Variants in PARD3B observed in about 807,000 individuals in gnomAD.
PARD3B encodes partitioning defective 3 homolog B.
PARD3B carries 103 observed loss-of-function variants against 130.2 expected under a neutral mutation model. The ratio of observed to expected loss-of-function variants is 0.79; its 90% confidence interval spans 0.67 to 0.93. The LOEUF (loss-of-function observed/expected upper bound fraction) is 0.93. Among genes scored for constraint, PARD3B ranks in the 40% least tolerant of loss-of-function variants. The pLI, the probability that PARD3B is intolerant of heterozygous loss-of-function variation, is 0.00. For missense variants in PARD3B, 1,609 were observed against 1,499.2 expected, an observed-to-expected ratio of 1.07 and a Z score of -1.21; for synonymous variants, 583 against 553.2, an observed-to-expected ratio of 1.05 and a Z score of -0.76.
intron 20 of PARD3B, among the ~76,000 whole-genome samples, chr2:205,466,241 T>C (rs911614609): frequency 2.6e-5 from 4 of 152,224 alleles, no homozygotes; most frequent in Admixed American, 6.5e-5. Context: ...TAAATAAACA[T>C]GCAGCAAATC....
intron 3 of PARD3B, among the ~76,000 whole-genome samples, chr2:204,998,348 ATATATATATATGTGTG>A (rs1321252912): frequency 4.8e-4 from 38 of 78,458 alleles, no homozygotes; most frequent in Admixed American, 1.4e-3. Context: ...ATATATATAT[ATATATATATATGTGTG>A]TGTGTGTGTG....
At chr2:205,582,646 A>G (rs1038047768) in intron 22 of PARD3B, among the ~76,000 whole-genome samples, 1 of 151,982 alleles carries the variant, frequency 6.6e-6, no homozygotes, top group African/African-American at 2.4e-5. Flanking sequence ...AAATGGAACC[A>G]AGAGCAACAA....
At chr2:205,239,758 G>A (rs1172719460) in intron 15 of PARD3B, among the ~76,000 whole-genome samples, 2 of 152,124 alleles carry the variant, frequency 1.3e-5, no homozygotes, top group Non-Finnish European at 2.9e-5. Flanking sequence ...GCTGAGAGAT[G>A]CATTATGATA....
In PARD3B at chr2:204,545,939, G is replaced by A; in HGVS notation, c.-61G>A. On this transcript the variant is annotated 5_prime_UTR_variant, in exon 1 of 23. Coordinates refer to ENST00000406610, the MANE Select transcript of PARD3B (RefSeq NM_001302769.2). ...CCCCGGGCGTCCTCCGAGAGTGGGG[G>A]CTGCGCCCGCGGGGTCAGACACCTG... 1.4e-6 allele frequency: 2 copies of A among 1,465,850 alleles called. No individual in the cohort carries two copies. The highest frequency in any genetic ancestry group is 1.4e-5 in the South Asian group (1 of 72,172). 90.8% of individuals were successfully genotyped at this position (1,465,850 alleles called of 1,614,324 possible).
intron 20 of PARD3B, among the ~76,000 whole-genome samples, chr2:205,448,409 G>T (rs1018186271): frequency 1.1e-4 from 16 of 152,022 alleles, no homozygotes; most frequent in African/African-American, 2.4e-4. Flanking sequence ...TAAATGTTTG[G>T]TTTTTTTCAC....
intron 1 of PARD3B, among the ~76,000 whole-genome samples, chr2:204,584,401 A>G (rs2032727733): frequency 6.6e-6 from 1 of 152,204 alleles, no homozygotes; most frequent in Admixed American, 6.5e-5. Context: ...ATAGCTAGTA[A>G]CAGCTAAGAG....
chr2:205,046,496 T>G (rs894009310), intron 3 of PARD3B, among the ~76,000 whole-genome samples: 8 of 149,832 alleles, frequency 5.3e-5, no homozygotes, highest in Non-Finnish European at 1.0e-4. Context: ...TTTTTTTTTT[T>G]TAAGAAAAGG....
At position 205,122,303 on chromosome 2, in the gene PARD3B, C is replaced by T. The variant is rs961155556; in HGVS notation, c.1165+354C>T. Among the ~76,000 whole-genome samples the T allele has an allele frequency of 1.3e-5, 2 of 152,146 alleles. No individual in the cohort carries two copies. Among genetic ancestry groups the T allele is most frequent in the Non-Finnish European group, 2.9e-5 (2 of 68,022 alleles). On this transcript the variant is annotated intron_variant, in intron 8 of 22. Coordinates refer to ENST00000406610, the MANE Select transcript of PARD3B (RefSeq NM_001302769.2). The surrounding 1 kb of genome is among the most constrained non-coding windows in gnomAD (Gnocchi z 4.3). Reference sequence around the variant, plus strand: ...CACGATTAGTGATTCTTGAAGCATCCTTTAGGCCATGTCCAAAAAGCATAT... The same window carrying T: ...CACGATTAGTGATTCTTGAAGCATCTTTTAGGCCATGTCCAAAAAGCATAT...
At position 205,470,910 on chromosome 2, in the gene PARD3B, G is replaced by C. The variant is rs2048803024; in HGVS notation, c.3045-28986G>C. On this transcript the variant is annotated intron_variant, in intron 20 of 22. Coordinates refer to ENST00000406610, the MANE Select transcript of PARD3B (RefSeq NM_001302769.2). The surrounding 1 kb of genome is among the most constrained non-coding windows in gnomAD (Gnocchi z 4.8). Reference sequence around the variant, plus strand: ...ACTTTAAAACAAAGTGTGTTTTCAAGTGTTTCACGTGTGTTTCAAGTTTAA... The same window carrying C: ...ACTTTAAAACAAAGTGTGTTTTCAACTGTTTCACGTGTGTTTCAAGTTTAA... Among the ~76,000 whole-genome samples, 2 of 152,180 alleles carry C rather than the reference G, an allele frequency of 1.3e-5. No homozygotes were observed. The highest frequency in any genetic ancestry group is 2.9e-5 in the Non-Finnish European group (2 of 68,038).
intron 18 of PARD3B, among the ~76,000 whole-genome samples, chr2:205,339,755 A>G (rs1186872925): frequency 6.6e-6 from 1 of 152,144 alleles, no homozygotes; most frequent in East Asian, 1.9e-4. Context: ...GTTGTGCTTT[A>G]AGAACATGCA....
At chr2:205,041,580 T>G (rs577870148) in intron 3 of PARD3B, among the ~76,000 whole-genome samples, 2 of 152,156 alleles carry the variant, frequency 1.3e-5, no homozygotes, top group East Asian at 3.9e-4. Context: ...GGTCCTCTAG[T>G]TCTTACAGAA....
At chr2:205,198,070 G>A (rs1206106208) in intron 15 of PARD3B, among the ~76,000 whole-genome samples, 1 of 152,214 alleles carries the variant, frequency 6.6e-6, no homozygotes, top group Non-Finnish European at 1.5e-5. Flanking sequence ...TTATTCAAAA[G>A]ATAGCACTTC....
At chr2:205,279,290 G>T (rs1007543729) in intron 16 of PARD3B, among the ~76,000 whole-genome samples, 2 of 151,854 alleles carry the variant, frequency 1.3e-5, no homozygotes, top group Admixed American at 1.3e-4. Context: ...AAAACATTGG[G>T]ACACTATAGC....
At chr2:204,818,944 A>G (rs539821960) in intron 2 of PARD3B, among the ~76,000 whole-genome samples, 1 of 152,280 alleles carries the variant, frequency 6.6e-6, no homozygotes, top group Non-Finnish European at 1.5e-5. Flanking sequence ...CATGTTAAGT[A>G]AGCTAGAGTG....
chr2:205,495,540 T>C (rs192178083), intron 20 of PARD3B, among the ~76,000 whole-genome samples: 2 of 152,338 alleles, frequency 1.3e-5, no homozygotes, highest in Admixed American at 1.3e-4. Flanking sequence ...CATCATGATC[T>C]GATGTCACTT....
In PARD3B at chr2:205,337,323, T is replaced by A. The variant is rs562877153; in HGVS notation, c.2630+35622T>A. On this transcript the variant is annotated intron_variant, in intron 18 of 22. Coordinates refer to ENST00000406610, the MANE Select transcript of PARD3B (RefSeq NM_001302769.2). ...TTTTAGCATACTTACATCTTCTTTA[T>A]GTCTCTATGTATTTTAAGTTTCTAA... 3.3e-5 allele frequency among the ~76,000 whole-genome samples: 5 copies of A among 152,350 alleles called. No homozygotes were observed. In the South Asian group the frequency reaches 1.0e-3, roughly 32 times the overall value.
At position 205,160,634 on chromosome 2, in the gene PARD3B, G is replaced by C. The variant is rs748173826; in HGVS notation, c.1620+1727G>C. Among the ~76,000 whole-genome samples, 8 of 152,194 alleles carry C rather than the reference G, an allele frequency of 5.3e-5. No homozygotes were observed. Among genetic ancestry groups the C allele is most frequent in the Non-Finnish European group, 1.0e-4 (7 of 68,042 alleles). On this transcript the variant is annotated intron_variant, in intron 11 of 22. Transcript: ENST00000406610. The surrounding 1 kb of genome is among the most constrained non-coding windows in gnomAD (Gnocchi z 4.0). ...ATAAAACTGGCTCAGAAATACATAA[G>C]CAGGAGCAAAAGCGAAATAGTAGTA...
chr2:204,557,587 A>C (rs141638872), intron 1 of PARD3B, among the ~76,000 whole-genome samples: 5 of 152,140 alleles, frequency 3.3e-5, no homozygotes, highest in Admixed American at 2.0e-4. Context: ...AACTTTGTCA[A>C]ATTCCACATT....
At chr2:204,565,537 G>A (rs1203417564) in intron 1 of PARD3B, among the ~76,000 whole-genome samples, 3 of 152,018 alleles carry the variant, frequency 2.0e-5, no homozygotes, top group African/African-American at 4.8e-5. Context: ...CAAAAACTAC[G>A]CATATTAACA....
Sources: gnomAD v4.1 joint callset for allele counts (sites outside exome capture counted in the v4.1 genomes callset) on GRCh38, gnomAD v4.1.1 for gene constraint, Gnocchi (gnomAD v3.1) non-coding constraint, MANE v1.5 for transcripts, NCBI Gene and HGNC (gene_info 2026-07-23, HGNC 2026-07-21) for gene names.